The following ZNF518B variants were observed in gnomAD, a reference collection of about 807,000 sequenced individuals.
The protein encoded by ZNF518B is zinc finger protein 518B.
A neutral mutation model predicts 56.3 loss-of-function variants in ZNF518B; 23 were observed. The ratio of observed to expected loss-of-function variants is 0.41; its 90% CI spans 0.29 to 0.58. The LOEUF (loss-of-function observed/expected upper bound fraction) is 0.58, where lower values mean the gene tolerates loss of function less well. Among genes scored for constraint, ZNF518B ranks in the 20% least tolerant of loss-of-function variants. The pLI is 0.32. For synonymous variants in ZNF518B, 529 were observed against 465.9 expected (o/e 1.14, Z -1.74); for missense variants, 1,460 against 1,272.1 (o/e 1.15, Z -2.25).
At chr4:10,451,806 C>T (rs574907895) in intron 2 of ZNF518B, 1 of 152,216 alleles carries the variant, frequency 6.6e-6, no homozygotes, top group African/African-American at 2.4e-5. Flanking sequence ...GTACTCACTA[C>T]AATTTAGGTT....
At chr4:10,455,074 C>T (rs1715472896) in intron 1 of ZNF518B, 86 bp from the exon 2 acceptor site, 1 of 152,150 alleles carries the variant, frequency 6.6e-6, no homozygotes, top group South Asian at 2.1e-4. Context: ...GGGGAATGAG[C>T]CCCAGAAGTG....
chr4:10,447,491 G>A (rs377085686), intron 2 of ZNF518B, among the ~76,000 whole-genome samples: 9 of 152,044 alleles, frequency 5.9e-5, no homozygotes, highest in Non-Finnish European at 8.8e-5. Context: ...AATGGGGAAC[G>A]GGACATGTTC....
In ZNF518B at chr4:10,444,533, T is replaced by C. The variant is rs1434178212; in HGVS notation, c.1796A>G (p.His599Arg). The change falls in exon 3 of 3, where the codon CAT (histidine) becomes CGT (arginine). Residue 599 changes from histidine (H) to arginine (R), a missense_variant. Coordinates refer to ENST00000326756, the MANE Select transcript of ZNF518B (RefSeq NM_053042.3). ...TCTATCTTCTCCAGTTATGTTTATA[T>C]GTAAATACTCACTCTTATGTTGAGA... ...ISSQHKSEYL[H>R]INITGEDRSQ... 5.0e-6 allele frequency: 8 copies of C among 1,614,028 alleles called. No homozygotes were observed. The highest frequency in any genetic ancestry group is 4.0e-5 in the African/African-American group (3 of 74,934).
Position 10,444,294 on chromosome 4 carries a change from G to C in ZNF518B, c.2035C>G (p.Pro679Ala), listed in dbSNP as rs908876810. The change falls in exon 3 of 3, where the codon CCG (proline) becomes GCG (alanine). Residue 679 changes from proline to alanine, a missense_variant. Transcript: ENST00000326756. Reference protein sequence around the residue: ...IAQLIESCGKPSSLASNSAHR... With the variant: ...IAQLIESCGKASSLASNSAHR... ...GCACTATTTGAAGCCAAAGATGACG[G>C]CTTCCCACAGGACTCAATTAACTGA... 1.9e-6 allele frequency: 3 copies of C among 1,614,034 alleles called. No homozygotes were observed. The African/African-American group carries it at 4.0e-5, about 22-fold the overall frequency.
In ZNF518B at chr4:10,444,095, T is replaced by A. The variant is rs1487701946; in HGVS notation, c.2234A>T (p.Tyr745Phe). Residue 745 changes from tyrosine (Y) to phenylalanine (F), a missense_variant, in exon 3 of 3, where the codon TAT becomes TTT. Physicochemically the swap from Tyr to Phe is conservative, Grantham distance 22. Coordinates refer to ENST00000326756, the MANE Select transcript of ZNF518B (RefSeq NM_053042.3). ...ATTACTGCCATCTGCAAAGTGTGGA[T>A]ATATTTGTTGATGAGTAAGCTGTCT... is the stretch of plus-strand genomic sequence containing the variant. The part of the protein sequence containing the change: ...GNRQLTHQQI[Y>F]PHFADGSNRK... The A allele has an allele frequency of 6.2e-7, 1 of 1,614,090 alleles. No individual in the cohort carries two copies. The highest frequency in any genetic ancestry group is 1.3e-5 in the African/African-American group (1 of 74,924).
At chr4:10,446,762 T>C (rs1419980296) in intron 2 of ZNF518B, among the ~76,000 whole-genome samples, 2 of 152,224 alleles carry the variant, frequency 1.3e-5, no homozygotes, top group East Asian at 1.9e-4. Context: ...AGCCAAATCA[T>C]GAATGAACAC....
rs1047432255 is a variant in ZNF518B, at chr4:10,457,414, G to C, written c.-493C>G. On this transcript the variant is annotated 5_prime_UTR_variant, in exon 1 of 3. Coordinates refer to ENST00000326756, the MANE Select transcript of ZNF518B (RefSeq NM_053042.3). ...CGCGCCCGCTGTAGGTCCCTACCCG[G>C]GGGGCGGAGCCCGCGCCAGCCCCGC... 6.6e-6 allele frequency: 1 copy of C among 151,940 alleles called. No homozygotes were observed. The highest frequency in any genetic ancestry group is 6.6e-5 in the Admixed American group (1 of 15,262). The allele number at this position is 151,940 out of a possible 1,614,324, so 9.4% of individuals were successfully genotyped here.
intron 2 of ZNF518B, among the ~76,000 whole-genome samples, chr4:10,447,711 G>A (rs1315393763): frequency 6.8e-6 from 1 of 148,046 alleles, no homozygotes; most frequent in Non-Finnish European, 1.5e-5. Context: ...GTGCAATGGT[G>A]CAATCTTGGC....
chr4:10,457,059 G>A (rs926171167), intron 1 of ZNF518B: 1 of 148,970 alleles, frequency 6.7e-6, no homozygotes, highest in African/African-American at 2.4e-5. Context: ...TGCTCAACGC[G>A]CGCCAAGCCG....
Position 10,445,775 on chromosome 4 carries a change from G to T in ZNF518B, c.554C>A (p.Thr185Lys). 2 of 1,614,212 alleles carry T rather than the reference G, an allele frequency of 1.2e-6. No homozygotes were observed. The highest frequency in any genetic ancestry group is 1.7e-6 in the Non-Finnish European group (2 of 1,180,038). The change falls in exon 3 of 3, where the codon ACA becomes AAA. Residue 185 changes from threonine to lysine, a missense_variant. By Grantham distance (78) the Thr-to-Lys change is moderately conservative (BLOSUM62 -1). Transcript: ENST00000326756. ...CTCACACTGATAAGGAAATATGCCT[G>T]TGTGTTTCACCAAATGCCTCTGAAA... ...GEFQRHLVKHTGIFPYQCEYC... is the reference protein window; with the variant it reads ...GEFQRHLVKHKGIFPYQCEYC...
At chr4:10,456,357 T>C (rs567833360) in intron 1 of ZNF518B, among the ~76,000 whole-genome samples, 15 of 152,190 alleles carry the variant, frequency 9.9e-5, no homozygotes, top group Admixed American at 2.0e-4. Context: ...TTCATTCTTT[T>C]GAACCCTGCA....
chr4:10,459,570 A>G (rs1715679193), upstream of ZNF518B, among the ~76,000 whole-genome samples: 1 of 152,208 alleles, frequency 6.6e-6, no homozygotes. Flanking sequence ...CAGATGTAAG[A>G]CAAGGTCATT....
rs1313951111 is a variant in ZNF518B, at chr4:10,443,606, C to T, written c.2723G>A (p.Ser908Asn). ...AATTGAAGGATCCTTGAGACAGCGG[C>T]TAGGTTCAGCTTGAATTTTGTTTTT... is the stretch of plus-strand genomic sequence containing the variant. ...RKKNKIQAEPSRCLKDPSIFQ... is the reference protein window; with the variant it reads ...RKKNKIQAEPNRCLKDPSIFQ... Residue 908 changes from serine (S) to asparagine (N), a missense_variant, in exon 3 of 3, where the codon AGC becomes AAC. Coordinates refer to ENST00000326756, the MANE Select transcript of ZNF518B (RefSeq NM_053042.3). 4 of 1,614,014 alleles carry T rather than the reference C, an allele frequency of 2.5e-6. No individual in the cohort carries two copies. The Admixed American group carries it at 5.0e-5, about 20-fold the overall frequency.
rs147396390 is a variant in ZNF518B, at chr4:10,445,675, C to T, written c.654G>A (p.Ala218=). 193 of 1,614,132 alleles carry T rather than the reference C, an allele frequency of 1.2e-4. No homozygotes were observed. The African/African-American group carries it at 2.2e-3, about 19-fold the overall frequency. The change falls in exon 3 of 3, where the codon GCG becomes GCA. Residue 218 remains alanine, a synonymous_variant. Coordinates refer to ENST00000326756, the MANE Select transcript of ZNF518B (RefSeq NM_053042.3). ...HTKRVHERAG[A]KRPVKAVAKL... ...TGGCAACAGCTTTGACTGGCCGTTT[C>T]GCACCTGCCCTTTCATGTACTCTCT... is the stretch of plus-strand genomic sequence containing the variant.
intron 2 of ZNF518B, chr4:10,453,899 T>A (rs1715425211): frequency 6.6e-6 from 1 of 152,076 alleles, no homozygotes; most frequent in Non-Finnish European, 1.5e-5. Flanking sequence ...TTAAAGGAGG[T>A]CCCTGGGACA....
upstream of ZNF518B, among the ~76,000 whole-genome samples, chr4:10,459,112 A>G (rs754866962): frequency 2.0e-5 from 3 of 152,184 alleles, no homozygotes; most frequent in Non-Finnish European, 4.4e-5. Flanking sequence ...AATTCAGTGA[A>G]AAATAGGTCC....
chr4:10,460,324 C>CAA (rs1715706695), upstream of ZNF518B, among the ~76,000 whole-genome samples: 1 of 17,398 alleles, frequency 5.7e-5, no homozygotes, highest in Non-Finnish European at 9.3e-5. Context: ...AAAAAAAAAA[C>CAA]CAAAAAAAAA....
intron 2 of ZNF518B, among the ~76,000 whole-genome samples, chr4:10,447,863 G>A (rs1715137238): frequency 1.3e-5 from 2 of 152,026 alleles, no homozygotes. Flanking sequence ...TGGCCAGGCT[G>A]GTCTTTAACC....
intron 1 of ZNF518B, among the ~76,000 whole-genome samples, chr4:10,455,604 G>T (rs933947322): frequency 6.8e-6 from 1 of 147,668 alleles, no homozygotes; most frequent in Non-Finnish European, 1.5e-5. Flanking sequence ...AATCTCTAGA[G>T]ATCTAAATGG....
Sources: allele counts gnomAD v4.1 joint callset (sites outside exome capture counted in the v4.1 genomes callset), GRCh38; gene constraint gnomAD v4.1.1; transcripts MANE v1.5; gene names NCBI Gene and HGNC (gene_info 2026-07-23, HGNC 2026-07-21).